Variants in TLE1 observed in about 807,000 individuals in gnomAD.
The protein encoded by TLE1 is transducin-like enhancer protein 1.
TLE1 carries 21 observed loss-of-function variants against 89.8 expected under a neutral mutation model. That is an observed-to-expected ratio of 0.23 (90% CI 0.17 to 0.34). TLE1 has a LOEUF of 0.34. TLE1 is among the 10% of genes least tolerant of loss of function. The pLI is 1.00. For missense variants in TLE1, 795 were observed against 1,031.2 expected (o/e 0.77, Z 3.14); for synonymous variants, 447 against 407.6 (o/e 1.10, Z -1.16).
chr9:81,654,223 A>C (rs1051417625), intron 4 of TLE1, among the ~76,000 whole-genome samples, 187 bp from the exon 5 acceptor site: 1 of 152,228 alleles, frequency 6.6e-6, no homozygotes, highest in African/African-American at 2.4e-5. Context: ...CCACTTGCAA[A>C]GTAAGCCACA....
chr9:81,593,782 A>T (rs815861), intron 14 of TLE1, among the ~76,000 whole-genome samples: 39,278 of 152,170 alleles, frequency 0.26, 5,749 homozygotes, highest in Middle Eastern at 0.48. Flanking sequence ...AGTTTATGGT[A>T]TGGACTTCAA....
chr9:81,674,897 G>A (rs1224294808), intron 4 of TLE1, among the ~76,000 whole-genome samples: 2 of 152,160 alleles, frequency 1.3e-5, no homozygotes, highest in Admixed American at 6.5e-5. Flanking sequence ...GCTCACACCT[G>A]TAATCCCAGC....
In TLE1 at chr9:81,666,601, G is replaced by A. The variant is rs570874482; in HGVS notation, c.235-12565C>T. ...ACCAGCCTGACTAACATGACGAAAC[G>A]CAGTCTCTACTAAAAATACAAAAAT... is the stretch of plus-strand genomic sequence containing the variant. On this transcript the variant is annotated intron_variant, in intron 4 of 19. Transcript: ENST00000376499. Among the ~76,000 whole-genome samples the A allele has an allele frequency of 2.6e-4, 40 of 151,308 alleles. 1 individual carries two copies. In the South Asian group the frequency reaches 7.8e-3, roughly 29 times the overall value.
rs752897495 is a variant in TLE1 at position 81,611,794 on chromosome 9, ACGGCGGCCG to A, written c.1220_1228del (p.Ala407_Ala409del). 5.2e-6 allele frequency: 8 copies of A among 1,548,170 alleles called. No homozygotes were observed. Among genetic ancestry groups the A allele is most frequent in the South Asian group, 2.4e-5 (2 of 82,338 alleles). On this transcript the variant is annotated inframe_deletion, in exon 13 of 20. Transcript: ENST00000376499. ...CATGGGGGAGCGCCCGTAGGCCACC[ACGGCGGCCG>A]CGGCGGCTGCGGCGCTCATCTGGGG...
At chr9:81,656,684 T>C (rs1206578187) in intron 4 of TLE1, among the ~76,000 whole-genome samples, 1 of 152,190 alleles carries the variant, frequency 6.6e-6, no homozygotes, top group Non-Finnish European at 1.5e-5. Context: ...AATTTGTTAA[T>C]CAAACATGTG....
chr9:81,585,419 A>G, intron 18 of TLE1, 86 bp downstream of exon 18: 1 of 1,517,370 alleles, frequency 6.6e-7, no homozygotes, highest in Non-Finnish European at 8.9e-7. Context: ...CATTTTTTCC[A>G]GATTATGATC....
chr9:81,617,353 T>C (rs924430563), intron 9 of TLE1, among the ~76,000 whole-genome samples: 1 of 152,222 alleles, frequency 6.6e-6, no homozygotes, highest in African/African-American at 2.4e-5. Context: ...AGCTATCATA[T>C]TTACTAATCA....
chr9:81,688,355 C>A lies in TLE1; in HGVS notation c.-115G>T. Reference sequence around the variant, plus strand: ...GAAAGCCAAGCAGAAGCGGGGAGCGCGCTGGCCACGCACGCGCGCTCCGCC... The same window carrying A: ...GAAAGCCAAGCAGAAGCGGGGAGCGAGCTGGCCACGCACGCGCGCTCCGCC... On this transcript the variant is annotated 5_prime_UTR_variant, in exon 1 of 20. Coordinates refer to ENST00000376499, the MANE Select transcript of TLE1 (RefSeq NM_005077.5). The A allele has an allele frequency of 8.4e-7, 1 of 1,197,512 alleles. No homozygotes were observed. Among genetic ancestry groups the A allele is most frequent in the African/African-American group, 1.6e-5 (1 of 61,478 alleles). 74.2% of individuals were successfully genotyped at this position (1,197,512 alleles called of 1,614,324 possible).
intron 14 of TLE1, among the ~76,000 whole-genome samples, 173 bp downstream of exon 14, chr9:81,610,047 C>G (rs1823494848): frequency 6.6e-6 from 1 of 152,236 alleles, no homozygotes; most frequent in Admixed American, 6.5e-5. Context: ...AAGACAGAGG[C>G]ATGACACCTA....
At chr9:81,674,443 C>T (rs1832633790) in intron 4 of TLE1, among the ~76,000 whole-genome samples, 1 of 152,158 alleles carries the variant, frequency 6.6e-6, no homozygotes, top group Non-Finnish European at 1.5e-5. Context: ...CACTGGGGTC[C>T]TCAATGAGGT....
chr9:81,634,863 T>C lies in TLE1; in HGVS notation c.373-562A>G, dbSNP rs538709932. On this transcript the variant is annotated intron_variant, in intron 6 of 19. Transcript: ENST00000376499. ...GCATTGACTTACCACAGTAGTATGA[T>C]GAGACAAAACCAAAATACTATCACT... is the stretch of plus-strand genomic sequence containing the variant. Among the ~76,000 whole-genome samples the C allele has an allele frequency of 2.0e-5, 3 of 152,256 alleles. No homozygotes were observed. The East Asian group carries it at 5.8e-4, about 29-fold the overall frequency.
intron 6 of TLE1, among the ~76,000 whole-genome samples, chr9:81,645,287 C>A (rs896402074): frequency 6.6e-6 from 1 of 150,604 alleles, no homozygotes; most frequent in African/African-American, 2.4e-5. Context: ...TCGCTTAACC[C>A]GGGAGGCAGA....
At chr9:81,681,967 CG>C (rs1473632377) in intron 4 of TLE1, among the ~76,000 whole-genome samples, 1 of 151,996 alleles carries the variant, frequency 6.6e-6, no homozygotes, top group Non-Finnish European at 1.5e-5. Context: ...ACAGACAGGC[CG>C]GGTGTGGTAG....
intron 10 of TLE1, 103 bp downstream of exon 10, chr9:81,616,543 T>A: frequency 8.3e-7 from 1 of 1,198,686 alleles, no homozygotes; most frequent in South Asian, 1.3e-5. Flanking sequence ...TTGCAAGAGG[T>A]CCCCCCACCG....
intron 4 of TLE1, among the ~76,000 whole-genome samples, chr9:81,668,289 T>C (rs1831757877): frequency 6.6e-6 from 1 of 152,134 alleles, no homozygotes. Context: ...AGTCAAGAAG[T>C]TTTATTTTCT....
At chr9:81,616,901 G>A (rs1449207885) in intron 9 of TLE1, among the ~76,000 whole-genome samples, 1 of 152,148 alleles carries the variant, frequency 6.6e-6, no homozygotes, top group East Asian at 1.9e-4. Flanking sequence ...GCTAGGCAAA[G>A]CTTCAGGCAG....
intron 4 of TLE1, among the ~76,000 whole-genome samples, chr9:81,658,926 T>C (rs2132719229): frequency 6.6e-6 from 1 of 152,260 alleles, no homozygotes; most frequent in African/African-American, 2.4e-5. Flanking sequence ...TTATTTTTTT[T>C]TTAGATGGAG....
intron 16 of TLE1, 78 bp from the exon 17 acceptor site, chr9:81,587,906 C>CAGTG: frequency 5.5e-6 from 3 of 545,674 alleles, no homozygotes; most frequent in East Asian, 3.8e-5. Context: ...TAGTTTTGGA[C>CAGTG]CGTGTGTGTG....
chr9:81,626,627 A>G (rs1285194546), intron 8 of TLE1, among the ~76,000 whole-genome samples: 3 of 152,152 alleles, frequency 2.0e-5, no homozygotes, highest in Non-Finnish European at 2.9e-5. Flanking sequence ...TTAAATGCAA[A>G]CTATGGGAAA....
Sources: gnomAD v4.1 joint callset for allele counts (sites outside exome capture counted in the v4.1 genomes callset) on GRCh38, gnomAD v4.1.1 for gene constraint, MANE v1.5 for transcripts, NCBI Gene and HGNC (gene_info 2026-07-23, HGNC 2026-07-21) for gene names.